Variants in FYB1 observed in about 807,000 individuals in gnomAD.
FYB1 encodes FYN-binding protein 1.
A neutral mutation model predicts 94.1 loss-of-function variants in FYB1; 41 were observed. The observed-to-expected ratio is 0.44, with a 90% CI of 0.34 to 0.57. The LOEUF (loss-of-function observed/expected upper bound fraction) is 0.57, where lower values mean the gene tolerates loss of function less well. FYB1 is among the 20% of genes least tolerant of loss of function. The pLI is 0.02. For synonymous variants in FYB1, 367 were observed against 353.2 expected, an observed-to-expected ratio of 1.04 and a Z score of -0.44; for missense variants, 1,050 against 976.8, an observed-to-expected ratio of 1.07 and a Z score of -1.00.
intron 2 of FYB1, among the ~76,000 whole-genome samples, chr5:39,171,790 T>G (rs1745268682): frequency 6.6e-6 from 1 of 152,242 alleles, no homozygotes; most frequent in African/African-American, 2.4e-5. Context: ...GAGTTCCTTC[T>G]GGCTATCACT....
chr5:39,253,936 G>A (rs1233913131), intron 1 of FYB1, among the ~76,000 whole-genome samples: 3 of 152,146 alleles, frequency 2.0e-5, no homozygotes, highest in Non-Finnish European at 4.4e-5. Flanking sequence ...AGAACATGTG[G>A]TATTTGGTTT....
At chr5:39,136,636 T>C (rs183628495) in intron 7 of FYB1, among the ~76,000 whole-genome samples, 24 of 152,246 alleles carry the variant, frequency 1.6e-4, no homozygotes, top group African/African-American at 4.1e-4. Context: ...CTCAGAGAAG[T>C]TAAGTGAGAA....
intron 2 of FYB1, among the ~76,000 whole-genome samples, chr5:39,166,919 G>GA (rs915876281): frequency 5.9e-5 from 9 of 151,266 alleles, no homozygotes; most frequent in East Asian, 5.8e-4. Context: ...CGGTATCCAT[G>GA]AAAAAAAACC....
At chr5:39,252,614 C>T (rs535374119) in intron 1 of FYB1, among the ~76,000 whole-genome samples, 1 of 152,310 alleles carries the variant, frequency 6.6e-6, no homozygotes, top group Admixed American at 6.5e-5. Flanking sequence ...TGGTACCAAC[C>T]TAGTAACACA....
At chr5:39,244,347 A>AT (rs1406315932) in intron 1 of FYB1, among the ~76,000 whole-genome samples, 3 of 152,176 alleles carry the variant, frequency 2.0e-5, no homozygotes, top group African/African-American at 7.2e-5. Context: ...AGTTTTCAGC[A>AT]TGAAGGACTG....
rs564098931 is a variant in FYB1 at position 39,198,218 on chromosome 5, G to A, written c.1135+3608C>T. ...TTTTCAAATGAAGAAAGACATACAC[G>A]GAAAGAGGTAAAGCGAAGGTCACAT... On this transcript the variant is annotated intron_variant, in intron 2 of 18. Transcript: ENST00000512982. Among the ~76,000 whole-genome samples, 11 of 152,188 alleles carry A rather than the reference G, an allele frequency of 7.2e-5. No individual in the cohort carries two copies. The East Asian group carries it at 9.7e-4, about 13-fold the overall frequency.
At position 39,274,042 on chromosome 5, in the gene FYB1, A is replaced by C. The variant is rs1334096954; in HGVS notation, c.-28+361T>G. Among the ~76,000 whole-genome samples the C allele has an allele frequency of 2.6e-5, 4 of 151,848 alleles. 1 individual carries two copies. The East Asian group carries it at 7.7e-4, about 29-fold the overall frequency. ...CAGGTTCAAGCAATTCTCCTGCCTCAGCCTCCCAAGTAACTGAGATTACAG... is the reference window on the plus strand; with the variant it reads ...CAGGTTCAAGCAATTCTCCTGCCTCCGCCTCCCAAGTAACTGAGATTACAG... On this transcript the variant is annotated intron_variant, in intron 1 of 1. Transcript: ENST00000510188.
chr5:39,189,109 C>G (rs953845091), intron 2 of FYB1, among the ~76,000 whole-genome samples: 10 of 152,038 alleles, frequency 6.6e-5, no homozygotes, highest in Admixed American at 6.5e-4. Context: ...TTAGAGCTCA[C>G]AATGATCAGG....
At chr5:39,177,748 A>G (rs537598389) in intron 2 of FYB1, among the ~76,000 whole-genome samples, 1 of 152,188 alleles carries the variant, frequency 6.6e-6, no homozygotes, top group African/African-American at 2.4e-5. Context: ...CGTCCTGGAG[A>G]TTGCATGTGT....
At chr5:39,259,117 T>A (rs1032950188) in intron 1 of FYB1, among the ~76,000 whole-genome samples, 2 of 152,214 alleles carry the variant, frequency 1.3e-5, no homozygotes, top group Non-Finnish European at 2.9e-5. Context: ...GAAAATGCTT[T>A]GAGTTGTCAC....
rs141783209 is a variant in FYB1 at position 39,191,919 on chromosome 5, C to T, written c.1135+9907G>A. ...GGAATTACTCTTTTGTTAAAGAAGT[C>T]AATTTCATTTTGTTTTCAAAACAAA... is the stretch of plus-strand genomic sequence containing the variant. On this transcript the variant is annotated intron_variant, in intron 2 of 18. Transcript: ENST00000512982. 4.6e-5 allele frequency among the ~76,000 whole-genome samples: 7 copies of T among 152,276 alleles called. 1 individual carries two copies. In the East Asian group the frequency reaches 1.2e-3, roughly 25 times the overall value.
intron 16 of FYB1, among the ~76,000 whole-genome samples, chr5:39,111,352 A>G (rs1309704920): frequency 6.6e-6 from 1 of 151,960 alleles, no homozygotes; most frequent in African/African-American, 2.4e-5. Flanking sequence ...TCCACTTTAG[A>G]TCTAATTTTA....
intron 3 of FYB1, 123 bp from the exon 4 acceptor site, chr5:39,141,264 G>T: frequency 2.8e-6 from 2 of 705,792 alleles, no homozygotes; most frequent in South Asian, 3.6e-5. Flanking sequence ...CTGATTTAAA[G>T]CTTCAGACAT....
At chr5:39,226,527 A>T (rs1176133019) in intron 1 of FYB1, among the ~76,000 whole-genome samples, 2 of 152,008 alleles carry the variant, frequency 1.3e-5, no homozygotes, top group Non-Finnish European at 2.9e-5. Context: ...ACATTGTCTT[A>T]CCCTTTGTTA....
intron 2 of FYB1, among the ~76,000 whole-genome samples, chr5:39,159,697 C>T (rs1744076597): frequency 6.6e-6 from 1 of 152,198 alleles, no homozygotes; most frequent in Admixed American, 6.5e-5. Context: ...TTTTCTATTG[C>T]TCCAGATTCT....
chr5:39,214,203 CA>C (rs564443522), intron 1 of FYB1, among the ~76,000 whole-genome samples: 205 of 152,152 alleles, frequency 1.3e-3, no homozygotes, highest in Non-Finnish European at 2.2e-3. Flanking sequence ...ACTTCACATC[CA>C]TTTGAATGGC....
intron 3 of FYB1, among the ~76,000 whole-genome samples, chr5:39,152,643 G>T (rs925133216): frequency 1.3e-5 from 2 of 152,118 alleles, no homozygotes; most frequent in Non-Finnish European, 2.9e-5. Flanking sequence ...ATTCCAACCT[G>T]CCACTCGCTT....
intron 1 of FYB1, among the ~76,000 whole-genome samples, chr5:39,211,694 T>C (rs700186): frequency 0.97 from 147,201 of 152,222 alleles, 71,391 homozygotes; most frequent in East Asian, 1. Flanking sequence ...AATAAAAATC[T>C]TTGATGTCTG....
upstream of FYB1, among the ~76,000 whole-genome samples, chr5:39,222,964 G>A (rs141298875): frequency 8.3e-4 from 126 of 152,110 alleles, no homozygotes; most frequent in East Asian, 0.022. Context: ...TTGGGGGAGG[G>A]CAATGGAGGG....
Sources: allele counts gnomAD v4.1 joint callset (sites outside exome capture counted in the v4.1 genomes callset), GRCh38; gene constraint gnomAD v4.1.1; transcripts MANE v1.5; gene names NCBI Gene and HGNC (gene_info 2026-07-23, HGNC 2026-07-21).